The following TBL1XR1 variants were observed in gnomAD, a reference collection of about 807,000 sequenced individuals.
The protein encoded by TBL1XR1 is TBL1X/Y related 1.
In TBL1XR1, 5 loss-of-function variants were observed where a neutral mutation model predicts 66.9. That is an observed-to-expected ratio of 0.07 (90% confidence interval 0.04 to 0.16). The LOEUF is 0.16. Among genes scored for constraint, TBL1XR1 ranks in the 10% least tolerant of loss-of-function variants. The pLI, the probability that TBL1XR1 is intolerant of heterozygous loss-of-function variation, is 1.00. For synonymous variants in TBL1XR1, 210 were observed against 206.0 expected (o/e 1.02, Z -0.17); for missense variants, 238 against 623.2 (o/e 0.38, Z 6.58).
chr3:177,050,845 G>A (rs890543409), intron 5 of TBL1XR1, among the ~76,000 whole-genome samples: 1 of 151,058 alleles, frequency 6.6e-6, no homozygotes, highest in Non-Finnish European at 1.5e-5. Context: ...GGTGGGAGTG[G>A]GATGGGAGAC....
chr3:177,076,306 G>A (rs552184536), intron 2 of TBL1XR1, among the ~76,000 whole-genome samples: 1 of 152,292 alleles, frequency 6.6e-6, no homozygotes, highest in African/African-American at 2.4e-5. Flanking sequence ...CATAGAGCTT[G>A]GCTTGTAGAC....
chr3:177,131,297 A>C, intron 1 of TBL1XR1: 1 of 979,008 alleles, frequency 1.0e-6, no homozygotes, highest in Non-Finnish European at 1.2e-6. Context: ...CTAATCATAA[A>C]GACCCTTAAG....
intron 12 of TBL1XR1, among the ~76,000 whole-genome samples, chr3:177,035,307 A>G: frequency 6.6e-6 from 1 of 151,926 alleles, no homozygotes; most frequent in East Asian, 1.9e-4. Flanking sequence ...TCCTTTGGAA[A>G]GCTCATCCCT....
At chr3:177,086,614 ATTTT>A (rs563635866) in intron 2 of TBL1XR1, among the ~76,000 whole-genome samples, 1 of 151,670 alleles carries the variant, frequency 6.6e-6, no homozygotes, top group African/African-American at 2.4e-5. Context: ...AGAGCCCACA[ATTTT>A]TTTTTAAGAA....
intron 2 of TBL1XR1, among the ~76,000 whole-genome samples, chr3:177,094,419 C>T (rs1257956143): frequency 1.3e-5 from 2 of 152,156 alleles, no homozygotes; most frequent in Non-Finnish European, 2.9e-5. Flanking sequence ...TGTGGAGATT[C>T]CTTAAAGAAC....
chr3:177,124,390 C>G (rs1157731232), intron 1 of TBL1XR1, among the ~76,000 whole-genome samples: 1 of 152,152 alleles, frequency 6.6e-6, no homozygotes, highest in Admixed American at 6.5e-5. Context: ...AATGACCCAT[C>G]ATTCAACCTC....
intron 1 of TBL1XR1, among the ~76,000 whole-genome samples, chr3:177,111,271 ATT>A (rs10569471): frequency 0.32 from 45,974 of 143,896 alleles, 7,258 homozygotes; most frequent in East Asian, 0.53. Flanking sequence ...ACTATGATTG[ATT>A]TTTTTTTTTT....
chr3:177,149,966 T>C (rs1403951446), intron 1 of TBL1XR1, among the ~76,000 whole-genome samples: 1 of 152,218 alleles, frequency 6.6e-6, no homozygotes, highest in Admixed American at 6.5e-5. Flanking sequence ...TAAATAAATC[T>C]TAAAGTGGGT....
At chr3:177,095,886 T>C (rs567876134) in intron 2 of TBL1XR1, among the ~76,000 whole-genome samples, 1 of 152,284 alleles carries the variant, frequency 6.6e-6, no homozygotes, top group Non-Finnish European at 1.5e-5. Context: ...AAGAACAATG[T>C]TCAGTAAGGG....
chr3:177,167,637 T>G (rs1732980418), intron 1 of TBL1XR1, among the ~76,000 whole-genome samples: 1 of 152,166 alleles, frequency 6.6e-6, no homozygotes, highest in African/African-American at 2.4e-5. Flanking sequence ...TCTTTAAAAA[T>G]TAAGTCTCTT....
At chr3:177,112,108 T>TA (rs1553846589) in intron 1 of TBL1XR1, among the ~76,000 whole-genome samples, 1,041 of 34,584 alleles carry the variant, frequency 0.03, 2 homozygotes, top group South Asian at 0.047. Context: ...TATATATATA[T>TA]TTTTTTTTTT....
chr3:177,051,613 T>C lies in TBL1XR1; in HGVS notation c.318A>G (p.Gln106=), dbSNP rs369839013. ...CGGCAGCTGCAGCAGCTGCTGCCTG[T>C]TGCTGTGCAAGCTTATCTCTATAAG... ...QQAYRDKLAQ[Q]QAAAAAAAAA... is the part of the protein sequence containing the mutation. Residue 106 remains glutamine, a synonymous_variant, in exon 5 of 16, where the codon CAA becomes CAG. Transcript: ENST00000457928. The C allele has an allele frequency of 5.0e-6, 8 of 1,613,530 alleles. No individual in the cohort carries two copies. In the African/African-American group the frequency reaches 5.3e-5, roughly 11 times the overall value.
At chr3:177,189,755 C>T (rs1369731845) in intron 1 of TBL1XR1, among the ~76,000 whole-genome samples, 2 of 151,552 alleles carry the variant, frequency 1.3e-5, no homozygotes, top group African/African-American at 4.9e-5. Context: ...TAAAAATTTA[C>T]TGAAGGGAGA....
intron 1 of TBL1XR1, among the ~76,000 whole-genome samples, chr3:177,196,819 C>T (rs977903388): frequency 4.0e-5 from 6 of 151,478 alleles, no homozygotes; most frequent in Non-Finnish European, 7.4e-5. Context: ...TGCACATTTT[C>T]GGGGACAACA....
intron 1 of TBL1XR1, among the ~76,000 whole-genome samples, chr3:177,173,846 T>C (rs1429836565): frequency 6.6e-6 from 1 of 152,234 alleles, no homozygotes; most frequent in African/African-American, 2.4e-5. Context: ...CAACTTTCTG[T>C]AAATCTAAAA....
chr3:177,029,768 C>A (rs561499314), intron 14 of TBL1XR1, among the ~76,000 whole-genome samples: 1 of 152,204 alleles, frequency 6.6e-6, no homozygotes, highest in South Asian at 2.1e-4. Flanking sequence ...ATAATGAACA[C>A]TAATCAGTAC....
upstream of TBL1XR1, among the ~76,000 whole-genome samples, chr3:177,197,636 G>A (rs1293844973): frequency 7.2e-6 from 1 of 139,422 alleles, no homozygotes; most frequent in Non-Finnish European, 1.6e-5. Context: ...GCGGGCGAGC[G>A]GGCGGGCGGG....
intron 12 of TBL1XR1, chr3:177,037,278 A>G (rs1335078549): frequency 6.6e-6 from 1 of 151,530 alleles, no homozygotes; most frequent in Non-Finnish European, 1.5e-5. Context: ...TTAATTGCAA[A>G]TAAACTTTAA....
At chr3:177,031,685 G>A (rs997525385) in intron 14 of TBL1XR1, among the ~76,000 whole-genome samples, 1 of 148,982 alleles carries the variant, frequency 6.7e-6, no homozygotes, top group Admixed American at 6.6e-5. Context: ...CAGCACTTTG[G>A]GAGGCTGAGG....
Sources: allele counts gnomAD v4.1 joint callset (sites outside exome capture counted in the v4.1 genomes callset), GRCh38; gene constraint gnomAD v4.1.1; transcripts MANE v1.5; gene names NCBI Gene and HGNC (gene_info 2026-07-23, HGNC 2026-07-21).